Variants in MARCHF10 observed in about 807,000 individuals in gnomAD.
MARCHF10 encodes the protein probable E3 ubiquitin-protein ligase MARCHF10.
Under a neutral mutation model 76.2 loss-of-function variants are expected in MARCHF10, and 64 were observed. The observed-to-expected ratio is 0.84, with a 90% CI of 0.69 to 1.03. MARCHF10 has a LOEUF of 1.03. MARCHF10 is among the 50% of genes least tolerant of loss of function. The pLI, the probability that MARCHF10 is intolerant of heterozygous loss-of-function variation, is 0.00. For missense variants in MARCHF10, 875 were observed against 958.0 expected (o/e 0.91, Z 1.14); for synonymous variants, 340 against 357.5 (o/e 0.95, Z 0.55).
Position 62,736,357 on chromosome 17 carries a change from T to A in MARCHF10, c.1511A>T (p.Asn504Ile), listed in dbSNP as rs2091262845. 6 of 1,614,200 alleles carry A rather than the reference T, an allele frequency of 3.7e-6. No individual in the cohort carries two copies. The highest frequency in any genetic ancestry group is 1.7e-5 in the Admixed American group (1 of 60,018). The change falls in exon 6 of 11, where the codon AAC (asparagine) becomes ATC (isoleucine). Residue 504 changes from asparagine (N) to isoleucine (I), a missense_variant. Asn to Ile is a moderately radical substitution (Grantham distance 149). Coordinates refer to ENST00000311269, the MANE Select transcript of MARCHF10 (RefSeq NM_152598.4). The stretch of plus-strand genomic sequence containing the variant: ...TGGTTGGCAAACATGAAACCCTGAG[T>A]TTCCCTCTGAGTCTGAGCTGTGAAC... ...TSVHSSDSEG[N>I]SGFHVCQPLS...
chr17:62,712,724 C>G lies in MARCHF10; in HGVS notation c.2215-1380G>C, dbSNP rs2089994584. Among the ~76,000 whole-genome samples, 1 of 152,090 alleles carries G rather than the reference C, an allele frequency of 6.6e-6. No individual in the cohort carries two copies. Among genetic ancestry groups the G allele is most frequent in the Admixed American group, 6.6e-5 (1 of 15,266 alleles). Reference sequence around the variant, plus strand: ...CCTAGAGTGAGTAGAGAAGAAGTTGCTTGTTTGCATTATTTCTGTTTTATT... The same window carrying G: ...CCTAGAGTGAGTAGAGAAGAAGTTGGTTGTTTGCATTATTTCTGTTTTATT... On this transcript the variant is annotated intron_variant, in intron 8 of 10. Coordinates refer to ENST00000311269, the MANE Select transcript of MARCHF10 (RefSeq NM_152598.4). This position sits in a 1 kb window ranked among gnomAD's most constrained non-coding sequence, Gnocchi z 4.2.
At chr17:62,780,612 G>A (rs555168003) in intron 3 of MARCHF10, among the ~76,000 whole-genome samples, 10 of 152,222 alleles carry the variant, frequency 6.6e-5, no homozygotes, top group East Asian at 3.9e-4. Flanking sequence ...TTTAGCACTC[G>A]GTTGCCACCA....
intron 3 of MARCHF10, among the ~76,000 whole-genome samples, chr17:62,770,389 ATGGGATTGT>A (rs1568185802): frequency 6.6e-6 from 1 of 152,170 alleles, no homozygotes; most frequent in Non-Finnish European, 1.5e-5. Flanking sequence ...ATACCCAGCA[ATGGGATTGT>A]TGGGTTGAAT....
intron 2 of MARCHF10, among the ~76,000 whole-genome samples, chr17:62,789,364 G>T (rs2092803738): frequency 1.3e-5 from 2 of 152,130 alleles, no homozygotes; most frequent in South Asian, 4.1e-4. Flanking sequence ...AATCTCCTCT[G>T]TTAGAAGCTC....
intron 1 of MARCHF10, 118 bp from the exon 2 acceptor site, chr17:62,801,870 A>C (rs924842855): frequency 6.6e-6 from 5 of 762,482 alleles, no homozygotes; most frequent in Non-Finnish European, 1.1e-5. Flanking sequence ...CCCTTGTTTG[A>C]AAGGCACAGA....
chr17:62,764,715 G>A (rs186898951), intron 3 of MARCHF10, among the ~76,000 whole-genome samples: 4 of 152,272 alleles, frequency 2.6e-5, no homozygotes, highest in Admixed American at 6.5e-5. Context: ...TGGATAGGAC[G>A]GCTACCTTTA....
intron 5 of MARCHF10, among the ~76,000 whole-genome samples, chr17:62,739,799 C>T (rs2091438501): frequency 6.6e-6 from 1 of 152,164 alleles, no homozygotes; most frequent in Non-Finnish European, 1.5e-5. Context: ...TGAGGAGAAA[C>T]ACCCAATGGG....
intron 5 of MARCHF10, among the ~76,000 whole-genome samples, chr17:62,742,786 T>C (rs888710548): frequency 2.6e-5 from 4 of 151,734 alleles, no homozygotes; most frequent in African/African-American, 9.7e-5. Flanking sequence ...GCAGCCTCGA[T>C]GTCCTGAGCT....
In MARCHF10 at chr17:62,737,241, T is replaced by G; in HGVS notation, c.627A>C (p.Pro209=). Reference sequence around the variant, plus strand: ...CTCTATCAGGGGCGTTCTCAGTCATTGGCTGTGACGATGGGACCAAGTTTC... The same window carrying G: ...CTCTATCAGGGGCGTTCTCAGTCATGGGCTGTGACGATGGGACCAAGTTTC... ...ERRNLVPSSQ[P]MTENAPDRAK... is the part of the protein sequence containing the mutation. The change falls in exon 6 of 11, where the codon CCA becomes CCC. Residue 209 remains proline, a synonymous_variant. Coordinates refer to ENST00000311269, the MANE Select transcript of MARCHF10 (RefSeq NM_152598.4). 6.2e-7 allele frequency: 1 copy of G among 1,614,062 alleles called. No individual in the cohort carries two copies. The highest frequency in any genetic ancestry group is 2.2e-5 in the East Asian group (1 of 44,880).
At chr17:62,790,940 A>T (rs187637085) in intron 2 of MARCHF10, among the ~76,000 whole-genome samples, 8 of 152,332 alleles carry the variant, frequency 5.3e-5, no homozygotes, top group Admixed American at 2.0e-4. Context: ...AGAGAGATGC[A>T]GCTTCACTCC....
rs1350407796 is a variant in MARCHF10 at position 62,711,872 on chromosome 17, G to A, written c.2215-528C>T. Among the ~76,000 whole-genome samples the A allele has an allele frequency of 1.3e-5, 2 of 152,122 alleles. No individual in the cohort carries two copies. Among genetic ancestry groups the A allele is most frequent in the Non-Finnish European group, 2.9e-5 (2 of 68,032 alleles). On this transcript the variant is annotated intron_variant, in intron 8 of 10. Transcript: ENST00000311269. This position sits in a 1 kb window ranked among gnomAD's most constrained non-coding sequence, Gnocchi z 4.4. The stretch of plus-strand genomic sequence containing the variant: ...CCTCCTTTGCCCCCATCATTCCTTT[G>A]CTTCCCAGTCCCTAAGCATTCGTCT...
rs1404321917 is a variant in MARCHF10 at position 62,756,968 on chromosome 17, A to G, written c.382+2867T>C. ...ATGAAGAGCAATCTGATGCCTTCTCAGTTACAAATCTGTTTGTAGAGGGCA... is the reference window on the plus strand; with the variant it reads ...ATGAAGAGCAATCTGATGCCTTCTCGGTTACAAATCTGTTTGTAGAGGGCA... On this transcript the variant is annotated intron_variant, in intron 4 of 10. Transcript: ENST00000311269. Among the ~76,000 whole-genome samples the G allele has an allele frequency of 3.3e-5, 5 of 152,356 alleles. No homozygotes were observed. In the South Asian group the frequency reaches 8.3e-4, roughly 25 times the overall value.
intron 8 of MARCHF10, among the ~76,000 whole-genome samples, chr17:62,716,403 G>A (rs1185254218): frequency 1.3e-5 from 2 of 150,424 alleles, no homozygotes; most frequent in East Asian, 3.9e-4. Context: ...ACCAGCCTGG[G>A]CAACAAAGTG....
chr17:62,737,909 A>T (rs2091345458), intron 5 of MARCHF10: 1 of 152,256 alleles, frequency 6.6e-6, no homozygotes, highest in African/African-American at 2.4e-5. Context: ...AAAAATTATA[A>T]ATCGCTCATG....
At chr17:62,783,198 T>G (rs1448341380) in intron 3 of MARCHF10, among the ~76,000 whole-genome samples, 8 of 80,478 alleles carry the variant, frequency 9.9e-5, no homozygotes, top group South Asian at 4.8e-4. Context: ...TTGCCAGTTT[T>G]TTTTTTTTTT....
intron 2 of MARCHF10, among the ~76,000 whole-genome samples, chr17:62,789,686 C>T (rs2092810493): frequency 6.6e-6 from 1 of 152,110 alleles, no homozygotes; most frequent in African/African-American, 2.4e-5. Context: ...GCCTGTAATC[C>T]CAGCACTTTG....
At chr17:62,715,698 G>A (rs1022285050) in intron 8 of MARCHF10, among the ~76,000 whole-genome samples, 1 of 152,174 alleles carries the variant, frequency 6.6e-6, no homozygotes, top group African/African-American at 2.4e-5. Context: ...CCAGGTCCCT[G>A]GGGTCCCACA....
chr17:62,774,203 A>G (rs1205806953), intron 3 of MARCHF10, among the ~76,000 whole-genome samples: 1 of 152,130 alleles, frequency 6.6e-6, no homozygotes, highest in Non-Finnish European at 1.5e-5. Context: ...TTGGGCGATG[A>G]CACCACCTGG....
chr17:62,758,046 A>C (rs2092096350), intron 4 of MARCHF10, among the ~76,000 whole-genome samples: 1 of 152,190 alleles, frequency 6.6e-6, no homozygotes, highest in Non-Finnish European at 1.5e-5. Flanking sequence ...TATACAAACA[A>C]CCACCTGATT....
Sources: allele counts gnomAD v4.1 joint callset (sites outside exome capture counted in the v4.1 genomes callset), GRCh38; gene constraint gnomAD v4.1.1; non-coding constraint Gnocchi (gnomAD v3.1); transcripts MANE v1.5; gene names NCBI Gene and HGNC (gene_info 2026-07-23, HGNC 2026-07-21).